CCNL2: variants seen among roughly 807,000 people sequenced by gnomAD.
CCNL2 encodes the protein cyclin-L2.
A neutral mutation model predicts 59.1 loss-of-function variants in CCNL2; 28 were observed. The observed-to-expected ratio is 0.47, with a 90% CI of 0.35 to 0.65. The LOEUF is 0.65. Ranked by LOEUF, CCNL2 falls within the 30% of genes least tolerant of loss-of-function variation. The pLI is 0.00. For synonymous variants in CCNL2, 342 were observed against 288.6 expected (o/e 1.19, Z -1.88); for missense variants, 714 against 717.4 (o/e 1.00, Z 0.05).
chr1:1,389,016 A>T (rs1442984770), intron 8 of CCNL2: 4 of 217,094 alleles, frequency 1.8e-5, no homozygotes, highest in Non-Finnish European at 3.8e-5. Context: ...CAGAGGTTAC[A>T]GTGAGCTGAG....
chr1:1,398,182 A>C, intron 3 of CCNL2, 51 bp downstream of exon 3: 5 of 1,547,330 alleles, frequency 3.2e-6, no homozygotes, highest in Non-Finnish European at 4.5e-6. Context: ...CTTAATCAGA[A>C]ATAAAGAAAA....
At chr1:1,397,875 G>A (rs1241599879) in intron 3 of CCNL2, among the ~76,000 whole-genome samples, 1 of 152,120 alleles carries the variant, frequency 6.6e-6, no homozygotes, top group Non-Finnish European at 1.5e-5. Flanking sequence ...GGAAAAAAAA[G>A]ATTATCCAGC....
chr1:1,388,576 T>A, intron 8 of CCNL2: 1 of 435,330 alleles, frequency 2.3e-6, no homozygotes, highest in Non-Finnish European at 4.6e-6. Flanking sequence ...TCTCTCTCTC[T>A]CTCTCTCTAT....
In CCNL2 at chr1:1,388,025, T is replaced by C; in HGVS notation, c.1047A>G (p.Pro349=). ...PKEGKGSKPS[P]LSVKNTKRRL... is the part of the protein sequence containing the mutation. Reference sequence around the variant, plus strand: ...TCCTCTTGGTGTTCTTCACAGACAGTGGGGAAGGCTTGCTCCCTTTACCTT... The same window carrying C: ...TCCTCTTGGTGTTCTTCACAGACAGCGGGGAAGGCTTGCTCCCTTTACCTT... The change falls in exon 9 of 11, where the codon CCA becomes CCG. Residue 349 remains proline, a synonymous_variant. Coordinates refer to ENST00000400809, the MANE Select transcript of CCNL2 (RefSeq NM_030937.6). 6.2e-7 allele frequency: 1 copy of C among 1,614,030 alleles called. No individual in the cohort carries two copies. The highest frequency in any genetic ancestry group is 8.5e-7 in the Non-Finnish European group (1 of 1,180,022).
intron 3 of CCNL2, 87 bp from the exon 4 acceptor site, chr1:1,395,601 C>G: frequency 6.4e-7 from 1 of 1,558,370 alleles, no homozygotes; most frequent in Non-Finnish European, 8.7e-7. Flanking sequence ...CTATGAGCAC[C>G]TAACACAAAC....
intron 5 of CCNL2, 183 bp from the exon 6 acceptor site, chr1:1,391,048 CTAAATACAG>C: frequency 1.0e-6 from 1 of 991,568 alleles, no homozygotes; most frequent in South Asian, 2.1e-5. Context: ...GCTGCTTTTT[CTAAATACAG>C]TAAATACAGG....
chr1:1,388,691 A>T (rs1387741375), intron 8 of CCNL2: 2 of 432,214 alleles, frequency 4.6e-6, no homozygotes, highest in Non-Finnish European at 9.2e-6. Context: ...GAATCACCAG[A>T]ATCTGGTAGG....
intron 8 of CCNL2, 90 bp downstream of exon 8, chr1:1,390,140 G>A (rs1255980766): frequency 1.7e-5 from 21 of 1,202,564 alleles, no homozygotes; most frequent in Admixed American, 2.4e-5. Flanking sequence ...AAAATGTCTG[G>A]AAGGAGCACA....
intron 8 of CCNL2, chr1:1,388,933 A>C (rs907924983): frequency 2.4e-5 from 6 of 253,536 alleles, no homozygotes; most frequent in South Asian, 2.1e-4. Flanking sequence ...AAATTAGCTC[A>C]GTGTGGTGGC....
At chr1:1,393,294 C>A in intron 5 of CCNL2, 102 bp downstream of exon 5, 1 of 943,842 alleles carries the variant, frequency 1.1e-6, no homozygotes, top group Non-Finnish European at 1.7e-6. Flanking sequence ...CTCCAGCCCA[C>A]AACCAAGTCA....
chr1:1,395,610 A>G, intron 3 of CCNL2, 96 bp from the exon 4 acceptor site: 3 of 1,517,612 alleles, frequency 2.0e-6, no homozygotes, highest in Non-Finnish European at 1.8e-6. Context: ...CCTAACACAA[A>G]CCCCACAACA....
intron 5 of CCNL2, chr1:1,392,203 G>T (rs967526824): frequency 5.8e-6 from 3 of 515,310 alleles, no homozygotes; most frequent in Non-Finnish European, 7.5e-6. Flanking sequence ...GTAACCTTTC[G>T]GTGTCTAATC....
intron 3 of CCNL2, among the ~76,000 whole-genome samples, chr1:1,396,571 GTTTT>G (rs1175846044): frequency 6.5e-4 from 45 of 69,672 alleles, no homozygotes; most frequent in African/African-American, 3.2e-3. Context: ...CGGCAAGGCT[GTTTT>G]TTTTTTTTTT....
intron 3 of CCNL2, 100 bp downstream of exon 3, chr1:1,398,133 G>A (rs193097055): frequency 1.0e-3 from 1,176 of 1,130,468 alleles, no homozygotes; most frequent in Non-Finnish European, 1.4e-3. Flanking sequence ...CAGGTTTAGA[G>A]CCTCAGGCCT....
chr1:1,398,941 G>A (rs1244882137), intron 1 of CCNL2, 78 bp downstream of exon 1: 5 of 1,475,890 alleles, frequency 3.4e-6, no homozygotes, highest in Non-Finnish European at 4.5e-6. Flanking sequence ...GGGGCGGTGC[G>A]GGCCCGACTC....
At position 1,395,473 on chromosome 1, in the gene CCNL2, A is replaced by G; in HGVS notation, c.515T>C (p.Leu172Ser). The change falls in exon 4 of 11, where the codon TTA becomes TCA. Residue 172 changes from leucine to serine, a missense_variant. Around this residue, in one of 5 missense-constraint regions of CCNL2, gnomAD observed 270 missense variants for 254.9 expected, o/e 1.06. Coordinates refer to ENST00000400809, the MANE Select transcript of CCNL2 (RefSeq NM_030937.6). ...TTCCGCCTTTATAATTTGGTTCTTTAAATTAACATAATCTTGATCCAGTAG... is the reference window on the plus strand; with the variant it reads ...TTCCGCCTTTATAATTTGGTTCTTTGAATTAACATAATCTTGATCCAGTAG... ...PLLLDQDYVN[L>S]KNQIIKAERR... is the part of the protein sequence containing the mutation. 6.2e-7 allele frequency: 1 copy of G among 1,614,160 alleles called. No homozygotes were observed. Among genetic ancestry groups the G allele is most frequent in the Non-Finnish European group, 8.5e-7 (1 of 1,180,022 alleles).
In CCNL2 at chr1:1,387,039, A is replaced by ACCGGT. The variant is rs1249160444; in HGVS notation, c.*187_*191dup. Reference sequence around the variant, plus strand: ...CCCAGACCGGTCTGAAGCACGTGTCACCGGTCCCTCAGTTCCATTTCCAAA... The same window carrying ACCGGT: ...CCCAGACCGGTCTGAAGCACGTGTCACCGGTCCGGTCCCTCAGTTCCATTTCCAAA... On this transcript the variant is annotated 3_prime_UTR_variant, in exon 11 of 11. Transcript: ENST00000400809. The ACCGGT allele has an allele frequency of 1.8e-6, 1 of 568,918 alleles. No homozygotes were observed. The highest frequency in any genetic ancestry group is 1.9e-5 in the African/African-American group (1 of 53,458). 35.2% of individuals were successfully genotyped at this position (568,918 alleles called of 1,614,324 possible).
At chr1:1,388,918 A>C in intron 8 of CCNL2, 1 of 248,550 alleles carries the variant, frequency 4.0e-6, no homozygotes, top group Non-Finnish European at 8.1e-6. Flanking sequence ...TCTACTAAAA[A>C]TACAAAATTA....
intron 8 of CCNL2, 51 bp downstream of exon 8, chr1:1,390,179 A>T: frequency 1.3e-6 from 2 of 1,536,990 alleles, no homozygotes; most frequent in Non-Finnish European, 1.8e-6. Flanking sequence ...GGGGAGAGTC[A>T]CCAGTCTTTG....
Sources: gnomAD v4.1 joint callset for allele counts (sites outside exome capture counted in the v4.1 genomes callset) on GRCh38, gnomAD v4.1.1 for gene constraint, gnomAD v4.1.1 regional missense constraint, MANE v1.5 for transcripts, NCBI Gene and HGNC (gene_info 2026-07-23, HGNC 2026-07-21) for gene names.